Variants in FOLH1 observed in about 807,000 individuals in gnomAD.
FOLH1 encodes the protein glutamate carboxypeptidase 2.
In FOLH1, 54 loss-of-function variants were observed where a neutral mutation model predicts 93.9. The ratio of observed to expected loss-of-function variants is 0.57; its 90% CI spans 0.46 to 0.72. The LOEUF (loss-of-function observed/expected upper bound fraction) is 0.72, where lower values mean the gene tolerates loss of function less well. Among genes scored for constraint, FOLH1 ranks in the 30% least tolerant of loss-of-function variants. FOLH1 has a pLI of 0.00. For synonymous variants in FOLH1, 249 were observed against 303.6 expected (o/e 0.82, Z 1.87); for missense variants, 571 against 892.5 (o/e 0.64, Z 4.59).
intron 11 of FOLH1, among the ~76,000 whole-genome samples, 198 bp downstream of exon 11, chr11:49,170,997 G>T (rs544160415): frequency 1.3e-5 from 2 of 152,238 alleles, no homozygotes; most frequent in Non-Finnish European, 2.9e-5. Flanking sequence ...GCTCTAAAAG[G>T]TTCAAACAAA....
chr11:49,173,396 GAAC>G lies in FOLH1; in HGVS notation c.1183_1185del (p.Val395del). On this transcript the variant is annotated inframe_deletion, in exon 10 of 19. Coordinates refer to ENST00000256999, the MANE Select transcript of FOLH1 (RefSeq NM_004476.3). ...GTTCCAAAGCTCCTCACAATTTCAT[GAAC>G]AACAGCTGCTCCACTCTGAGGGTCA... 6.2e-7 allele frequency: 1 copy of G among 1,610,474 alleles called. No individual in the cohort carries two copies. Among genetic ancestry groups the G allele is most frequent in the Non-Finnish European group, 8.5e-7 (1 of 1,177,910 alleles).
intron 11 of FOLH1, among the ~76,000 whole-genome samples, chr11:49,170,046 A>C (rs1427793273): frequency 1.4e-5 from 2 of 139,248 alleles, no homozygotes; most frequent in African/African-American, 5.9e-5. Context: ...TTTTTTTTCA[A>C]AGAAAATTAA....
At chr11:49,198,179 A>G (rs202686) in intron 3 of FOLH1, among the ~76,000 whole-genome samples, 54,166 of 151,416 alleles carry the variant, frequency 0.36, 10,694 homozygotes, top group African/African-American at 0.54. Context: ...GGAACGAAAA[A>G]AGAAGAAAAA....
At chr11:49,149,114 G>A (rs548337862) in intron 17 of FOLH1, among the ~76,000 whole-genome samples, 1 of 152,016 alleles carries the variant, frequency 6.6e-6, no homozygotes, top group African/African-American at 2.4e-5. Flanking sequence ...CCTGTCGTGG[G>A]GTGGGGTGAG....
intron 18 of FOLH1, 29 bp from the exon 19 acceptor site, chr11:49,146,974 A>C (rs1162291302): frequency 8.8e-6 from 14 of 1,595,850 alleles, no homozygotes; most frequent in Non-Finnish European, 1.2e-5. Flanking sequence ...GCTGTTTATT[A>C]GGTGCCCAAA....
chr11:49,149,133 G>A (rs1461107100), intron 17 of FOLH1, among the ~76,000 whole-genome samples: 2 of 152,022 alleles, frequency 1.3e-5, no homozygotes, highest in African/African-American at 4.8e-5. Flanking sequence ...AGGGGGGAAG[G>A]ATAGCATTGG....
At chr11:49,176,068 G>A in intron 7 of FOLH1, 111 bp from the exon 8 acceptor site, 2 of 934,924 alleles carry the variant, frequency 2.1e-6, no homozygotes, top group South Asian at 1.5e-5. Context: ...TTTAATGAGT[G>A]CAAAGTGCTT....
intron 15 of FOLH1, among the ~76,000 whole-genome samples, chr11:49,155,921 A>G (rs1186285101): frequency 6.7e-6 from 1 of 149,846 alleles, no homozygotes; most frequent in Non-Finnish European, 1.5e-5. Context: ...GTCCCCACCC[A>G]AATCTCACCT....
intron 3 of FOLH1, among the ~76,000 whole-genome samples, chr11:49,199,221 C>T (rs907865880): frequency 1.3e-5 from 2 of 152,074 alleles, no homozygotes; most frequent in African/African-American, 2.4e-5. Flanking sequence ...AGGAACTTAC[C>T]TAAATAGAAA....
chr11:49,175,499 T>A (rs1859895838), intron 8 of FOLH1, among the ~76,000 whole-genome samples: 1 of 152,122 alleles, frequency 6.6e-6, no homozygotes, highest in Non-Finnish European at 1.5e-5. Context: ...GAGCTTCAGA[T>A]AAGGGAACTT....
At chr11:49,197,373 A>G (rs532244928) in intron 3 of FOLH1, among the ~76,000 whole-genome samples, 1 of 152,314 alleles carries the variant, frequency 6.6e-6, no homozygotes, top group Non-Finnish European at 1.5e-5. Flanking sequence ...TCAGTCTTAG[A>G]GTATTTTTTA....
At chr11:49,186,112 C>T (rs937166368) in intron 5 of FOLH1, 1 of 541,794 alleles carries the variant, frequency 1.8e-6, no homozygotes, top group African/African-American at 2.0e-5. Context: ...CTACCACTAG[C>T]TTACAAATAT....
At chr11:49,160,899 A>G (rs1443761650) in intron 13 of FOLH1, among the ~76,000 whole-genome samples, 1 of 152,194 alleles carries the variant, frequency 6.6e-6, no homozygotes, top group Admixed American at 6.5e-5. Flanking sequence ...TATACCCACA[A>G]GTCATTCAGG....
intron 13 of FOLH1, among the ~76,000 whole-genome samples, chr11:49,159,900 C>T (rs1857492444): frequency 6.7e-6 from 1 of 149,226 alleles, no homozygotes. Context: ...TTTTCTTTTT[C>T]CTTTTCTTTT....
intron 13 of FOLH1, among the ~76,000 whole-genome samples, chr11:49,163,615 C>A (rs965660312): frequency 6.6e-6 from 1 of 151,660 alleles, no homozygotes; most frequent in Non-Finnish European, 1.5e-5. Context: ...GGAAGTGGGG[C>A]CTGCAGACCA....
chr11:49,168,234 T>C (rs1224410859), intron 12 of FOLH1, among the ~76,000 whole-genome samples: 1 of 151,488 alleles, frequency 6.6e-6, no homozygotes, highest in Non-Finnish European at 1.5e-5. Context: ...AAAGTAACAT[T>C]TCAAAGGAGG....
chr11:49,186,104 A>T lies in FOLH1; in HGVS notation c.640-249T>A, dbSNP rs1186523207. ...TGGTAGTGAGCATTTGCTATTTCCT[A>T]CCACTAGCTTACAAATATAATAAGC... On this transcript the variant is annotated intron_variant, in intron 5 of 18. Transcript: ENST00000256999. 4.5e-5 allele frequency: 26 copies of T among 577,318 alleles called. No homozygotes were observed. The East Asian group carries it at 1.2e-3, about 27-fold the overall frequency. The allele number at this position is 577,318 out of a possible 1,614,324, so 35.8% of individuals were successfully genotyped here.
At chr11:49,183,078 A>T in intron 7 of FOLH1, 71 bp downstream of exon 7, 1 of 1,348,016 alleles carries the variant, frequency 7.4e-7, no homozygotes, top group South Asian at 1.4e-5. Context: ...ATGGAGATAA[A>T]AGCCTAACAT....
At chr11:49,182,328 C>CAAAAAAAA (rs59966842) in intron 7 of FOLH1, among the ~76,000 whole-genome samples, 1 of 59,978 alleles carries the variant, frequency 1.7e-5, no homozygotes, top group Non-Finnish European at 2.8e-5. Context: ...GACACTGTCT[C>CAAAAAAAA]AAAAAAAAAA....
Sources: allele counts gnomAD v4.1 joint callset (sites outside exome capture counted in the v4.1 genomes callset), GRCh38; gene constraint gnomAD v4.1.1; transcripts MANE v1.5; gene names NCBI Gene and HGNC (gene_info 2026-07-23, HGNC 2026-07-21).